HOXA2: variants seen among roughly 807,000 people sequenced by gnomAD.
The protein encoded by HOXA2 is homeobox A2.
HOXA2 carries 4 observed loss-of-function variants against 27.2 expected under a neutral mutation model. That is an observed-to-expected ratio of 0.15 (90% CI 0.07 to 0.34). The LOEUF is 0.34. Ranked by LOEUF, HOXA2 falls within the 10% of genes least tolerant of loss-of-function variation. The pLI is 1.00. For synonymous variants in HOXA2, 200 were observed against 202.8 expected (o/e 0.99, Z 0.12); for missense variants, 430 against 473.2 (o/e 0.91, Z 0.85).
chr7:27,100,833 G>T lies in HOXA2; in HGVS notation c.1024C>A (p.Pro342Thr). The change falls in exon 2 of 2, where the codon CCC (proline) becomes ACC (threonine). Residue 342 changes from proline to threonine, a missense_variant. By Grantham distance (38) the Pro-to-Thr change is conservative. Around this residue, in one of 4 missense-constraint regions of HOXA2, gnomAD observed 236 missense variants for 208.5 expected, o/e 1.13. Transcript: ENST00000222718. ...SCLQLSDAVS[P>T]SLPGSLDSPV... is the part of the protein sequence containing the mutation. ...CTGTCGAGGGAACCTGGCAAACTGG[G>T]TGAAACTGCATCTGAAAGCTGCAGG... 6.2e-7 allele frequency: 1 copy of T among 1,614,226 alleles called. No individual in the cohort carries two copies. Among genetic ancestry groups the T allele is most frequent in the African/African-American group, 1.3e-5 (1 of 75,046 alleles).
chr7:27,102,214 G>A lies in HOXA2; in HGVS notation c.287C>T (p.Pro96Leu). The stretch of plus-strand genomic sequence containing the variant: ...GGCCGCCTTCTTCTCCTTCATCCAG[G>A]GGTACTCGGGCGGCTGCAGGGCGCC... ...PAGALQPPEY[P>L]WMKEKKAAKK... The change falls in exon 1 of 2, where the codon CCC becomes CTC. Residue 96 changes from proline (P) to leucine (L), a missense_variant. Pro to Leu is a moderately conservative substitution (Grantham distance 98). Coordinates refer to ENST00000222718, the MANE Select transcript of HOXA2 (RefSeq NM_006735.4). This position sits in a 1 kb window ranked among gnomAD's most constrained non-coding sequence, Gnocchi z 4.6. 9 of 1,520,336 alleles carry A rather than the reference G, an allele frequency of 5.9e-6. No individual in the cohort carries two copies. The highest frequency in any genetic ancestry group is 7.9e-6 in the Non-Finnish European group (9 of 1,134,892). The allele number at this position is 1,520,336 out of a possible 1,614,324, so 94.2% of individuals were successfully genotyped here.
intron 1 of HOXA2, 32 bp from the exon 2 acceptor site, chr7:27,101,497 G>T (rs763957850): frequency 2.5e-6 from 4 of 1,598,224 alleles, no homozygotes; most frequent in East Asian, 2.2e-5. Context: ...AGAGACACAC[G>T]CACAGTTGGA....
chr7:27,102,271 G>T lies in HOXA2; in HGVS notation c.230C>A (p.Pro77His), dbSNP rs759492574. The T allele has an allele frequency of 1.8e-5, 28 of 1,553,088 alleles. No homozygotes were observed. In the Admixed American group the frequency reaches 5.4e-4, roughly 30 times the overall value. The change falls in exon 1 of 2, where the codon CCC becomes CAC. Residue 77 changes from proline to histidine, a missense_variant. By Grantham distance (77) the Pro-to-His change is moderately conservative. This residue lies in a region of HOXA2 where 166 missense variants were observed against 207.6 expected (regional missense o/e 0.80). Coordinates refer to ENST00000222718, the MANE Select transcript of HOXA2 (RefSeq NM_006735.4). This position sits in a 1 kb window ranked among gnomAD's most constrained non-coding sequence, Gnocchi z 4.6. ...CACCGGGCTGCCGCGGCTGCCCGCG[G>T]GGCTCGGCTTGGGGCGGCCGCCAGC... ...HGAGGRPKPSPAGSRGSPVPA... is the reference protein window; with the variant it reads ...HGAGGRPKPSHAGSRGSPVPA...
chr7:27,102,221 C>T lies in HOXA2; in HGVS notation c.280G>A (p.Glu94Lys), dbSNP rs1043147767. Reference sequence around the variant, plus strand: ...TTCTTCTCCTTCATCCAGGGGTACTCGGGCGGCTGCAGGGCGCCGGCGGGC... The same window carrying T: ...TTCTTCTCCTTCATCCAGGGGTACTTGGGCGGCTGCAGGGCGCCGGCGGGC... ...PVPAGALQPP[E>K]YPWMKEKKAA... The change falls in exon 1 of 2, where the codon GAG becomes AAG. Residue 94 changes from glutamate to lysine, a missense_variant. Glu to Lys is a moderately conservative substitution (Grantham distance 56). Around this residue, in one of 4 missense-constraint regions of HOXA2, gnomAD observed 166 missense variants for 207.6 expected, o/e 0.80. Transcript: ENST00000222718. This position sits in a 1 kb window ranked among gnomAD's most constrained non-coding sequence, Gnocchi z 4.6. 4.6e-6 allele frequency: 7 copies of T among 1,512,646 alleles called. No homozygotes were observed. The highest frequency in any genetic ancestry group is 1.4e-5 in the African/African-American group (1 of 69,370). The allele number at this position is 1,512,646 out of a possible 1,614,324, so 93.7% of individuals were successfully genotyped here. A position where few individuals can be genotyped will look rare whatever the true frequency, so the allele number is the denominator to read the frequency against.
rs774102766 is a variant in HOXA2, at chr7:27,102,415, G to T, written c.86C>A (p.Ala29Asp). The change falls in exon 1 of 2, where the codon GCT becomes GAT. Residue 29 changes from alanine to aspartate, a missense_variant. Ala to Asp is a moderately radical substitution (Grantham distance 126, BLOSUM62 -2). Coordinates refer to ENST00000222718, the MANE Select transcript of HOXA2 (RefSeq NM_006735.4). The surrounding 1 kb of genome is among the most constrained non-coding windows in gnomAD (Gnocchi z 4.6). ...AECLTSFPPV[A>D]DTFQSSSIKT... is the part of the protein sequence containing the mutation. ...GATTGATGAACTTTGAAATGTATCA[G>T]CGACAGGGGGAAAAGATGTCAGGCA... The T allele has an allele frequency of 3.1e-6, 5 of 1,614,144 alleles. No homozygotes were observed. The highest frequency in any genetic ancestry group is 1.1e-5 in the South Asian group (1 of 91,084).
rs1302033950 is a variant in HOXA2, at chr7:27,102,423, G to A, written c.78C>T (p.Pro26=). 6.2e-7 allele frequency: 1 copy of A among 1,614,122 alleles called. No homozygotes were observed. Among genetic ancestry groups the A allele is most frequent in the South Asian group, 1.1e-5 (1 of 91,086 alleles). ...PSLAECLTSF[P]PVADTFQSSS... ...AACTTTGAAATGTATCAGCGACAGG[G>A]GGAAAAGATGTCAGGCACTCAGCGA... The change falls in exon 1 of 2, where the codon CCC becomes CCT. Residue 26 remains proline (P), a synonymous_variant. Transcript: ENST00000222718. The surrounding 1 kb of genome is among the most constrained non-coding windows in gnomAD (Gnocchi z 4.6).
intron 1 of HOXA2, 74 bp from the exon 2 acceptor site, chr7:27,101,539 GGAGAATAAATATA>G: frequency 1.3e-6 from 2 of 1,517,246 alleles, no homozygotes; most frequent in Non-Finnish European, 1.8e-6. Context: ...TTATTCCACT[GGAGAATAAATATA>G]GCAGAAAAGA....
Position 27,101,218 on chromosome 7 carries a change from T to C in HOXA2, c.639A>G (p.Lys213=), listed in dbSNP as rs766370249. ...TCTCGGAGTCCTCAAGGCTTTTACA[T>C]TTCCCTTCGCTGTTTTGGTTTTCCT... ...QCKENQNSEG[K]CKSLEDSEKV... is the part of the protein sequence containing the mutation. The change falls in exon 2 of 2, where the codon AAA becomes AAG. Residue 213 remains lysine, a synonymous_variant. Transcript: ENST00000222718. The C allele has an allele frequency of 6.2e-7, 1 of 1,614,216 alleles. No individual in the cohort carries two copies. The highest frequency in any genetic ancestry group is 8.5e-7 in the Non-Finnish European group (1 of 1,180,034).
chr7:27,101,732 T>C, intron 1 of HOXA2: 2 of 659,780 alleles, frequency 3.0e-6, no homozygotes, highest in Non-Finnish European at 5.5e-6. Flanking sequence ...ACAACACAAT[T>C]TATAATTAAT....
Position 27,101,069 on chromosome 7 carries a change from T to C in HOXA2, c.788A>G (p.Asn263Ser), listed in dbSNP as rs775695374. ...ACTTTGGGAGTCGCCATTGTGTCCATTGGGAGCCTGCTGCTGAGAGAGGGC... is the reference window on the plus strand; with the variant it reads ...ACTTTGGGAGTCGCCATTGTGTCCACTGGGAGCCTGCTGCTGAGAGAGGGC... ...QNALSQQQAPNGHNGDSQSFP... is the reference protein window; with the variant it reads ...QNALSQQQAPSGHNGDSQSFP... The change falls in exon 2 of 2, where the codon AAT becomes AGT. Residue 263 changes from asparagine to serine, a missense_variant. Around this residue, in one of 4 missense-constraint regions of HOXA2, gnomAD observed 236 missense variants for 208.5 expected, o/e 1.13. Transcript: ENST00000222718. 25 of 1,614,092 alleles carry C rather than the reference T, an allele frequency of 1.5e-5. No homozygotes were observed. In the East Asian group the frequency reaches 1.6e-4, roughly 10 times the overall value.
In HOXA2 at chr7:27,101,500, C is replaced by T. The variant is rs1325668914; in HGVS notation, c.392-35G>A. 6 of 1,598,194 alleles carry T rather than the reference C, an allele frequency of 3.8e-6. No homozygotes were observed. The African/African-American group carries it at 8.0e-5, about 21-fold the overall frequency. On this transcript the variant is annotated intron_variant, in intron 1 of 1. Transcript: ENST00000222718. ...GGGAAACCAACAAGAGACACACGCA[C>T]AGTTGGAGGTGGAGGGGTCCGAGCG...
Position 27,102,504 on chromosome 7 carries a change from C to T in HOXA2, c.-4G>A. ...CTCGCTCAAATTCGTAATTCATGGC[C>T]TTCTCCTTGGAGCCCCCTCAGAGAA... On this transcript the variant is annotated 5_prime_UTR_variant, in exon 1 of 2. Coordinates refer to ENST00000222718, the MANE Select transcript of HOXA2 (RefSeq NM_006735.4). The surrounding 1 kb of genome is among the most constrained non-coding windows in gnomAD (Gnocchi z 4.6). 1 of 1,613,404 alleles carries T rather than the reference C, an allele frequency of 6.2e-7. No individual in the cohort carries two copies. Among genetic ancestry groups the T allele is most frequent in the Non-Finnish European group, 8.5e-7 (1 of 1,179,926 alleles).
intron 1 of HOXA2, chr7:27,101,903 T>C (rs1356976594): frequency 5.3e-6 from 4 of 758,562 alleles, no homozygotes; most frequent in South Asian, 1.5e-5. Flanking sequence ...CCTAAAAATA[T>C]ATATGTCTCA....
rs894514118 is a variant in HOXA2 at position 27,101,826 on chromosome 7, G to A, written c.391+284C>T. 2.7e-5 allele frequency: 19 copies of A among 695,734 alleles called. No individual in the cohort carries two copies. In the African/African-American group the frequency reaches 2.8e-4, roughly 10 times the overall value. 43.1% of individuals were successfully genotyped at this position (695,734 alleles called of 1,614,324 possible). Reference sequence around the variant, plus strand: ...CAAACTCTAGGACAACTAGACAGGAGGAGGTCAGTTCCAACTCAAATAAAT... The same window carrying A: ...CAAACTCTAGGACAACTAGACAGGAAGAGGTCAGTTCCAACTCAAATAAAT... On this transcript the variant is annotated intron_variant, in intron 1 of 1. Coordinates refer to ENST00000222718, the MANE Select transcript of HOXA2 (RefSeq NM_006735.4).
rs1783911786 is a variant in HOXA2, at chr7:27,100,781, A to C, written c.1076T>G (p.Leu359Ter). The change falls in exon 2 of 2, where the codon TTA becomes TGA. Residue 359 changes from leucine to a stop codon, truncating the protein, a stop_gained. Transcript: ENST00000222718. LOFTEE classifies it high-confidence loss of function. ...DSPVDISADS[L>*]DFFTDTLTTI... is the part of the protein sequence containing the mutation. Reference sequence around the variant, plus strand: ...GGTGAGTGTGTCTGTAAAAAAGTCTAAGCTGTCAGCTGAAATATCTACGGG... The same window carrying C: ...GGTGAGTGTGTCTGTAAAAAAGTCTCAGCTGTCAGCTGAAATATCTACGGG... The C allele has an allele frequency of 6.2e-7, 1 of 1,614,094 alleles. No individual in the cohort carries two copies. The highest frequency in any genetic ancestry group is 1.3e-5 in the African/African-American group (1 of 74,924).
Position 27,102,369 on chromosome 7 carries a change from G to C in HOXA2, c.132C>G (p.His44Gln), listed in dbSNP as rs1179402139. 1.2e-6 allele frequency: 2 copies of C among 1,614,160 alleles called. No homozygotes were observed. The highest frequency in any genetic ancestry group is 1.7e-6 in the Non-Finnish European group (2 of 1,180,000). The change falls in exon 1 of 2, where the codon CAC becomes CAG. Residue 44 changes from histidine to glutamine, a missense_variant. Physicochemically the swap from His to Gln is conservative, Grantham distance 24. Transcript: ENST00000222718. This position sits in a 1 kb window ranked among gnomAD's most constrained non-coding sequence, Gnocchi z 4.6. The stretch of plus-strand genomic sequence containing the variant: ...CAAAAGGAGGAGGAATCAGTGTCGA[G>C]TGTGAAAGCGTCGAGGTCTTGATTG... ...SSSIKTSTLS[H>Q]STLIPPPFEQ... is the part of the protein sequence containing the mutation.
chr7:27,102,678 T>A lies in HOXA2; in HGVS notation c.-178A>T. The A allele has an allele frequency of 3.3e-6, 2 of 608,880 alleles. No homozygotes were observed. Among genetic ancestry groups the A allele is most frequent in the Non-Finnish European group, 5.8e-6 (2 of 345,718 alleles). 37.7% of individuals were successfully genotyped at this position (608,880 alleles called of 1,614,324 possible). On this transcript the variant is annotated 5_prime_UTR_variant, in exon 1 of 2. Coordinates refer to ENST00000222718, the MANE Select transcript of HOXA2 (RefSeq NM_006735.4). The surrounding 1 kb of genome is among the most constrained non-coding windows in gnomAD (Gnocchi z 4.6). ...AGCCGTATGGGGACCGCGCTACTAT[T>A]AAACTATTGAATTCATGGAGACAAG...
intron 1 of HOXA2, 29 bp from the exon 2 acceptor site, chr7:27,101,494 C>A: frequency 3.1e-6 from 5 of 1,598,746 alleles, no homozygotes; most frequent in Non-Finnish European, 3.4e-6. Context: ...ACAAGAGACA[C>A]ACGCACAGTT....
intron 1 of HOXA2, chr7:27,101,681 C>T (rs1233175650): frequency 4.5e-6 from 3 of 663,074 alleles, no homozygotes; most frequent in Non-Finnish European, 8.1e-6. Flanking sequence ...GCCTGTGGCT[C>T]CCCCCAACCT....
Sources: gnomAD v4.1 joint callset for allele counts on GRCh38, gnomAD v4.1.1 for gene constraint, gnomAD v4.1.1 regional missense constraint, Gnocchi (gnomAD v3.1) non-coding constraint, MANE v1.5 for transcripts, NCBI Gene and HGNC (gene_info 2026-07-23, HGNC 2026-07-21) for gene names.